The following DECR1 variants were observed in gnomAD, a reference collection of about 807,000 sequenced individuals.
The protein encoded by DECR1 is 2,4-dienoyl-CoA reductase 1.
In DECR1, 44 loss-of-function variants were observed where a neutral mutation model predicts 38.8. The ratio of observed to expected loss-of-function variants is 1.13; its 90% CI spans 0.89 to 1.46. The LOEUF is 1.46. DECR1 is among the 40% of genes most tolerant of loss of function. DECR1 has a pLI of 0.00. For missense variants in DECR1, 428 were observed against 405.5 expected (o/e 1.06, Z -0.48); for synonymous variants, 148 against 135.2 (o/e 1.09, Z -0.66).
At position 90,012,156 on chromosome 8, in the gene DECR1, C is replaced by CT. The variant is rs1170178816; in HGVS notation, c.70-4954dup. Among the ~76,000 whole-genome samples, 474 of 138,656 alleles carry CT rather than the reference C, an allele frequency of 3.4e-3. 1 individual carries two copies. Among genetic ancestry groups the CT allele is most frequent in the African/African-American group, 7.7e-3 (294 of 37,994 alleles). 91.0% of individuals were successfully genotyped at this position (138,656 alleles called of 152,430 possible). Reference sequence around the variant, plus strand: ...ATTGATTTAGATTTTCTTTTCTTTTCTTTTTTTTTTTTTTAAGAGGGAGTC... The same window carrying CT: ...ATTGATTTAGATTTTCTTTTCTTTTCTTTTTTTTTTTTTTTAAGAGGGAGTC... On this transcript the variant is annotated intron_variant, in intron 1 of 9. Transcript: ENST00000220764.
intron 1 of DECR1, among the ~76,000 whole-genome samples, chr8:90,012,170 T>C (rs560650786): frequency 1.4e-4 from 21 of 151,420 alleles, no homozygotes; most frequent in Admixed American, 4.6e-4. Context: ...TTTTTTTTTT[T>C]AAGAGGGAGT....
chr8:90,022,931 G>A (rs762059224), intron 5 of DECR1, among the ~76,000 whole-genome samples: 1 of 151,992 alleles, frequency 6.6e-6, no homozygotes, highest in Non-Finnish European at 1.5e-5. Flanking sequence ...AAATATATTA[G>A]ATAAAATATC....
chr8:90,033,384 AT>A (rs2130115413), intron 5 of DECR1, among the ~76,000 whole-genome samples: 1 of 152,286 alleles, frequency 6.6e-6, no homozygotes, highest in East Asian at 1.9e-4. Context: ...AATAATATAG[AT>A]TCATTTCTGT....
At chr8:90,040,385 C>T (rs1336503611) in intron 6 of DECR1, among the ~76,000 whole-genome samples, 1 of 152,154 alleles carries the variant, frequency 6.6e-6, no homozygotes, top group African/African-American at 2.4e-5. Flanking sequence ...ATTACGTGTA[C>T]CCTATTCTGT....
rs529309653 is a variant in DECR1, at chr8:90,003,635, T to G, written c.69+2074T>G. Among the ~76,000 whole-genome samples the G allele has an allele frequency of 7.2e-5, 11 of 152,342 alleles. 1 individual carries two copies. In the South Asian group the frequency reaches 1.7e-3, roughly 23 times the overall value. ...GTACTATAGTCTCATATATGTATTT[T>G]AAGCCACAAATAATAACCAATGAGT... On this transcript the variant is annotated intron_variant, in intron 1 of 9. Transcript: ENST00000220764.
intron 5 of DECR1, among the ~76,000 whole-genome samples, chr8:90,027,201 G>C (rs1178943554): frequency 2.0e-5 from 3 of 152,212 alleles, no homozygotes; most frequent in African/African-American, 7.2e-5. Context: ...ATAGTCTGTT[G>C]ATTTGGGGTG....
In DECR1 at chr8:90,051,881, A is replaced by G. The variant is rs780408237; in HGVS notation, c.992A>G (p.Lys331Arg). The G allele has an allele frequency of 6.2e-7, 1 of 1,613,874 alleles. No homozygotes were observed. Among genetic ancestry groups the G allele is most frequent in the South Asian group, 1.1e-5 (1 of 91,076 alleles). Reference sequence around the variant, plus strand: ...GACACCATAGAAGAACTCATCAGGAAGACAAAAGGTTCCTAAGACCACTTT... The same window carrying G: ...GACACCATAGAAGAACTCATCAGGAGGACAAAAGGTTCCTAAGACCACTTT... The part of the protein sequence containing the change: ...QWDTIEELIR[K>R]TKGS The change falls in exon 10 of 10, where the codon AAG becomes AGG. Residue 331 changes from lysine to arginine, a missense_variant. Lys to Arg is a conservative substitution (Grantham distance 26, BLOSUM62 2). Transcript: ENST00000220764.
In DECR1 at chr8:90,044,941, C is replaced by T. The variant is rs776269139; in HGVS notation, c.831C>T (p.Leu277=). Residue 277 remains leucine (L), a synonymous_variant, in exon 8 of 10, where the codon CTC becomes CTT. Transcript: ENST00000220764. Reference sequence around the variant, plus strand: ...GTCGCCTGGGGACTGTAGAAGAACTCGCAAATCTTGCTGCTTTCCTTTGTA... The same window carrying T: ...GTCGCCTGGGGACTGTAGAAGAACTTGCAAATCTTGCTGCTTTCCTTTGTA... The part of the protein sequence containing the change: ...PCGRLGTVEE[L]ANLAAFLCSD... The T allele has an allele frequency of 2.9e-5, 46 of 1,613,704 alleles. No individual in the cohort carries two copies. Among genetic ancestry groups the T allele is most frequent in the Admixed American group, 6.7e-5 (4 of 59,992 alleles).
At chr8:90,042,650 C>G in intron 6 of DECR1, 78 bp from the exon 7 acceptor site, 1 of 1,202,202 alleles carries the variant, frequency 8.3e-7, no homozygotes, top group Non-Finnish European at 1.2e-6. Context: ...TAGTAAGCAT[C>G]TAGTGAGTCT....
chr8:90,036,268 C>A (rs891311105), intron 5 of DECR1, among the ~76,000 whole-genome samples: 3 of 152,056 alleles, frequency 2.0e-5, no homozygotes, highest in African/African-American at 7.2e-5. Flanking sequence ...TGCTTAGATT[C>A]CTCCTCCTCA....
At chr8:90,030,688 C>A (rs974575749) in intron 5 of DECR1, among the ~76,000 whole-genome samples, 1 of 152,140 alleles carries the variant, frequency 6.6e-6, no homozygotes, top group Non-Finnish European at 1.5e-5. Flanking sequence ...TTTCCTTATT[C>A]GTCAGTAGTG....
intron 8 of DECR1, among the ~76,000 whole-genome samples, chr8:90,045,268 C>T (rs1197391160): frequency 6.6e-6 from 1 of 152,058 alleles, no homozygotes; most frequent in Non-Finnish European, 1.5e-5. Context: ...TTGGGGAATT[C>T]CCTTTCCTAG....
At chr8:90,037,774 C>T in intron 6 of DECR1, among the ~76,000 whole-genome samples, 1 of 152,070 alleles carries the variant, frequency 6.6e-6, no homozygotes, top group East Asian at 1.9e-4. Flanking sequence ...ATTTGTCCTC[C>T]ACTGGCCTTT....
intron 5 of DECR1, among the ~76,000 whole-genome samples, chr8:90,026,936 G>A (rs1813361166): frequency 6.6e-6 from 1 of 152,080 alleles, no homozygotes; most frequent in Non-Finnish European, 1.5e-5. Flanking sequence ...TGTTCTCATT[G>A]GCTTCAAAGA....
chr8:90,052,407 A>G lies in DECR1; in HGVS notation c.*510A>G, dbSNP rs1805890. On this transcript the variant is annotated 3_prime_UTR_variant, in exon 10 of 10. Transcript: ENST00000220764. ...TTAACTCAAACCTTTAATTTTTACT[A>G]GGACCTATTTGTAGCCAGGCATTTT... is the stretch of plus-strand genomic sequence containing the variant. Among the ~76,000 whole-genome samples the G allele has an allele frequency of 0.033, 5,051 of 152,302 alleles. 116 individuals carry two copies. The highest frequency in any genetic ancestry group is 0.061 in the Middle Eastern group (18 of 294).
intron 1 of DECR1, among the ~76,000 whole-genome samples, chr8:90,013,399 GT>G (rs57505716): frequency 0.015 from 1,138 of 78,034 alleles, 2 homozygotes; most frequent in South Asian, 0.035. Context: ...CTCTTCTTTC[GT>G]TTTTTTTTTT....
At chr8:90,051,255 C>T (rs2130189315) in intron 8 of DECR1, among the ~76,000 whole-genome samples, 1 of 150,962 alleles carries the variant, frequency 6.6e-6, no homozygotes, top group East Asian at 2.0e-4. Flanking sequence ...ACAATTATGG[C>T]TGAAGGGGAA....
intron 8 of DECR1, among the ~76,000 whole-genome samples, chr8:90,050,731 T>A (rs1420559202): frequency 1.3e-5 from 2 of 152,176 alleles, no homozygotes; most frequent in Non-Finnish European, 1.5e-5. Flanking sequence ...ACACGTATGT[T>A]TATTGCACTA....
chr8:90,018,723 G>A (rs1397147144), intron 2 of DECR1, 186 bp from the exon 3 acceptor site: 2 of 539,176 alleles, frequency 3.7e-6, no homozygotes, highest in East Asian at 3.1e-5. Context: ...AATTCAATAA[G>A]TTAGTATCAA....
Sources: gnomAD v4.1 joint callset for allele counts (sites outside exome capture counted in the v4.1 genomes callset) on GRCh38, gnomAD v4.1.1 for gene constraint, MANE v1.5 for transcripts, NCBI Gene and HGNC (gene_info 2026-07-23, HGNC 2026-07-21) for gene names.